The following EFCAB13 variants were observed in gnomAD, a reference collection of about 807,000 sequenced individuals.
EFCAB13 encodes EF-hand calcium binding domain 13, also known as EF-hand calcium-binding domain-containing protein 13.
Under a neutral mutation model 110.2 loss-of-function variants are expected in EFCAB13, and 91 were observed. That is an observed-to-expected ratio of 0.83 (90% CI 0.70 to 0.98). EFCAB13 has a LOEUF of 0.98. Ranked by LOEUF, EFCAB13 falls within the 50% of genes least tolerant of loss-of-function variation. The pLI is 0.00. For missense variants in EFCAB13, 968 were observed against 1,119.4 expected (o/e 0.86, Z 1.93); for synonymous variants, 323 against 369.9 (o/e 0.87, Z 1.45).
At chr17:47,368,157 A>G (rs971509813) in intron 10 of EFCAB13, among the ~76,000 whole-genome samples, 1 of 152,236 alleles carries the variant, frequency 6.6e-6, no homozygotes, top group Non-Finnish European at 1.5e-5. Flanking sequence ...AATAGAAAAT[A>G]TAATCTTTTT....
intron 9 of EFCAB13, among the ~76,000 whole-genome samples, chr17:47,357,058 G>A (rs1016603643): frequency 6.6e-6 from 1 of 152,210 alleles, no homozygotes; most frequent in African/African-American, 2.4e-5. Flanking sequence ...CCCACAGTCT[G>A]AAAGACTGGT....
chr17:47,429,759 C>T, intron 23 of EFCAB13, 59 bp from the exon 24 acceptor site: 1 of 1,501,170 alleles, frequency 6.7e-7, no homozygotes, highest in South Asian at 1.3e-5. Flanking sequence ...TAAGTGATAA[C>T]TAATAACATA....
Position 47,341,609 on chromosome 17 carries a change from C to T in EFCAB13, c.192-312C>T, listed in dbSNP as rs535685903. 1.2e-4 allele frequency among the ~76,000 whole-genome samples: 19 copies of T among 152,232 alleles called. No homozygotes were observed. The South Asian group carries it at 1.5e-3, about 12-fold the overall frequency. ...CTTCTGACCTCAAGCAATCTGCCCA[C>T]CTTGGCCTCCCAAAGTTCTGGGATT... On this transcript the variant is annotated intron_variant, in intron 5 of 24. Transcript: ENST00000331493.
intron 5 of EFCAB13, among the ~76,000 whole-genome samples, chr17:47,338,003 G>A (rs559764457): frequency 6.6e-6 from 1 of 152,042 alleles, no homozygotes; most frequent in African/African-American, 2.4e-5. Context: ...TGCCTCTTTG[G>A]GCCTGATAAT....
At chr17:47,328,216 T>A (rs2065298761) in intron 3 of EFCAB13, 53 bp from the exon 4 acceptor site, 3 of 790,364 alleles carry the variant, frequency 3.8e-6, no homozygotes, top group Non-Finnish European at 6.6e-6. Context: ...TAAATATAAT[T>A]GCTTAAGTGT....
At chr17:47,435,875 G>A (rs34728487) in intron 24 of EFCAB13, among the ~76,000 whole-genome samples, 3,328 of 152,218 alleles carry the variant, frequency 0.022, 63 homozygotes, top group South Asian at 0.03. Context: ...TTCTCAGAGG[G>A]AATGCTTTCA....
chr17:47,398,228 G>A (rs1182950623), intron 17 of EFCAB13, among the ~76,000 whole-genome samples: 2 of 147,106 alleles, frequency 1.4e-5, no homozygotes, highest in African/African-American at 5.0e-5. Flanking sequence ...GCCCCGTCCG[G>A]GAGGGAGGTG....
At position 47,389,405 on chromosome 17, in the gene EFCAB13, C is replaced by T. The variant is rs73324443; in HGVS notation, c.1583-2032C>T. Reference sequence around the variant, plus strand: ...GAGTTCAAGCAAGAAAGCCCCATGACAAACTAAACAAGATTCTCAAAGGTA... The same window carrying T: ...GAGTTCAAGCAAGAAAGCCCCATGATAAACTAAACAAGATTCTCAAAGGTA... On this transcript the variant is annotated intron_variant, in intron 14 of 24. Transcript: ENST00000331493. 8.7e-3 allele frequency among the ~76,000 whole-genome samples: 1,317 copies of T among 152,150 alleles called. 17 individuals carry two copies. Among genetic ancestry groups the T allele is most frequent in the African/African-American group, 0.03 (1,263 of 41,490 alleles).
At chr17:47,416,729 C>G (rs538456661) in intron 23 of EFCAB13, among the ~76,000 whole-genome samples, 1 of 152,254 alleles carries the variant, frequency 6.6e-6, no homozygotes, top group African/African-American at 2.4e-5. Context: ...ATAATGGCCT[C>G]CAGCTGCATC....
At chr17:47,340,228 CT>C (rs1001551563) in intron 5 of EFCAB13, 346 of 143,432 alleles carry the variant, frequency 2.4e-3, no homozygotes, top group Non-Finnish European at 1.8e-3. Flanking sequence ...CTTTCTTGTT[CT>C]TTTTTTTTTT....
chr17:47,401,445 C>G (rs2065778106), intron 17 of EFCAB13, among the ~76,000 whole-genome samples: 1 of 152,162 alleles, frequency 6.6e-6, no homozygotes, highest in Admixed American at 6.5e-5. Flanking sequence ...AAATTGTAGT[C>G]ATAGGCCTAT....
intron 2 of EFCAB13, among the ~76,000 whole-genome samples, chr17:47,324,988 G>A (rs535719063): frequency 1.6e-5 from 1 of 61,604 alleles, no homozygotes; most frequent in Admixed American, 1.4e-4. Flanking sequence ...GTGAAACCTA[G>A]CGAACCATTC....
At chr17:47,333,537 C>T (rs2143228612) in intron 4 of EFCAB13, among the ~76,000 whole-genome samples, 1 of 152,158 alleles carries the variant, frequency 6.6e-6, no homozygotes, top group Admixed American at 6.5e-5. Flanking sequence ...GAGCTTTTCC[C>T]CTATCTTCTT....
intron 13 of EFCAB13, among the ~76,000 whole-genome samples, chr17:47,378,945 T>A (rs560724082): frequency 1.3e-5 from 2 of 152,310 alleles, no homozygotes; most frequent in South Asian, 4.1e-4. Flanking sequence ...AAGGACTGTG[T>A]CTTTCTTATT....
chr17:47,424,872 A>ATTTT (rs1459453287), intron 23 of EFCAB13, among the ~76,000 whole-genome samples: 2 of 68,346 alleles, frequency 2.9e-5, no homozygotes, highest in African/African-American at 7.1e-5. Flanking sequence ...CCGGTTGACA[A>ATTTT]TCTTTTTTTT....
rs1302015953 is a variant in EFCAB13 at position 47,397,007 on chromosome 17, CGTCCCT to C, written c.1945+1031_1945+1036del. Reference sequence around the variant, plus strand: ...ATTATTTTATGAGATATGAAAATAACGTCCCTCTCCCTCTCCCCCTCCCCCTCCCCC... The same window carrying C: ...ATTATTTTATGAGATATGAAAATAACCTCCCTCTCCCCCTCCCCCTCCCCC... On this transcript the variant is annotated intron_variant, in intron 17 of 24. Coordinates refer to ENST00000331493, the MANE Select transcript of EFCAB13 (RefSeq NM_152347.5). Among the ~76,000 whole-genome samples the C allele has an allele frequency of 3.3e-5, 5 of 150,938 alleles. No individual in the cohort carries two copies. In the East Asian group the frequency reaches 1.0e-3, roughly 30 times the overall value.
chr17:47,432,543 T>C (rs1474202784), intron 24 of EFCAB13, among the ~76,000 whole-genome samples: 1 of 152,102 alleles, frequency 6.6e-6, no homozygotes, highest in Non-Finnish European at 1.5e-5. Context: ...TGAGCTGTAT[T>C]CGTACCACTT....
At chr17:47,423,481 C>A (rs547459821) in intron 23 of EFCAB13, 293 of 223,580 alleles carry the variant, frequency 1.3e-3, no homozygotes, top group African/African-American at 6.0e-3. Context: ...TGCGGGCGGC[C>A]GGGCGAACGG....
intron 8 of EFCAB13, among the ~76,000 whole-genome samples, chr17:47,345,388 T>G (rs1044917118): frequency 6.6e-6 from 1 of 152,154 alleles, no homozygotes; most frequent in African/African-American, 2.4e-5. Context: ...GATAAATTAG[T>G]AAGTGCTGGA....
Sources: gnomAD v4.1 joint callset for allele counts (sites outside exome capture counted in the v4.1 genomes callset) on GRCh38, gnomAD v4.1.1 for gene constraint, MANE v1.5 for transcripts, NCBI Gene and HGNC (gene_info 2026-07-23, HGNC 2026-07-21) for gene names.